Variants in LRRTM4 observed in about 807,000 individuals in gnomAD.
LRRTM4 encodes leucine-rich repeat transmembrane neuronal protein 4.
In LRRTM4, 25 loss-of-function variants were observed where a neutral mutation model predicts 47.6. That is an observed-to-expected ratio of 0.53 (90% CI 0.38 to 0.73). The LOEUF is 0.73. LRRTM4 is among the 30% of genes least tolerant of loss of function. The pLI is 0.00. For missense variants in LRRTM4, 638 were observed against 713.4 expected (o/e 0.89, Z 1.20); for synonymous variants, 311 against 269.5 (o/e 1.15, Z -1.51).
chr2:76,999,251 C>T (rs1677323575), intron 3 of LRRTM4, among the ~76,000 whole-genome samples: 1 of 152,008 alleles, frequency 6.6e-6, no homozygotes, highest in Admixed American at 6.6e-5. Context: ...GGGTATGATC[C>T]AAATCCCTCA....
In LRRTM4 at chr2:77,477,851, A is replaced by T. The variant is rs1340905350; in HGVS notation, c.1551+40467T>A. Among the ~76,000 whole-genome samples, 5 of 149,102 alleles carry T rather than the reference A, an allele frequency of 3.4e-5. No homozygotes were observed. The East Asian group carries it at 9.8e-4, about 29-fold the overall frequency. ...TGGAGCAAAACTCCATCAAAAAAAA[A>T]AAAAAGAAAGAGAGAGAGAAAGAAA... On this transcript the variant is annotated intron_variant, in intron 3 of 3. Transcript: ENST00000409884.
intron 3 of LRRTM4, among the ~76,000 whole-genome samples, chr2:77,018,519 T>A (rs1469277264): frequency 6.6e-6 from 1 of 152,170 alleles, no homozygotes; most frequent in African/African-American, 2.4e-5. Flanking sequence ...GACTCAGACT[T>A]CTACAGCATT....
chr2:77,458,793 T>A (rs1467528838), intron 3 of LRRTM4, among the ~76,000 whole-genome samples: 1 of 151,258 alleles, frequency 6.6e-6, no homozygotes, highest in African/African-American at 2.4e-5. Context: ...GATTTTAATA[T>A]TGTTAAGGTT....
intron 3 of LRRTM4, among the ~76,000 whole-genome samples, chr2:76,997,401 G>C (rs1423061445): frequency 6.7e-6 from 1 of 149,964 alleles, no homozygotes; most frequent in South Asian, 2.1e-4. Context: ...AGTTTGTTGA[G>C]ATGTTTTATT....
rs374435356 is a variant in LRRTM4, at chr2:77,360,471, C to T, written c.1551+157847G>A. ...AGACTCCATCTCAAAAAATACAATA[C>T]GATATGATACGATACGATACGATAC... is the stretch of plus-strand genomic sequence containing the variant. On this transcript the variant is annotated intron_variant, in intron 3 of 3. Transcript: ENST00000409884. Among the ~76,000 whole-genome samples the T allele has an allele frequency of 3.8e-4, 48 of 126,588 alleles. 1 individual carries two copies. In the South Asian group the frequency reaches 0.013, roughly 33 times the overall value. 83.0% of individuals were successfully genotyped at this position (126,588 alleles called of 152,430 possible). A position where few individuals can be genotyped will look rare whatever the true frequency, so the allele number is the denominator to read the frequency against.
intron 3 of LRRTM4, among the ~76,000 whole-genome samples, chr2:77,279,848 T>C (rs1268792961): frequency 1.3e-5 from 2 of 151,962 alleles, no homozygotes; most frequent in Non-Finnish European, 1.5e-5. Flanking sequence ...TTTGAACTAC[T>C]GAGCTTGTGC....
At chr2:77,124,748 A>C (rs1004986271) in intron 3 of LRRTM4, among the ~76,000 whole-genome samples, 1 of 152,168 alleles carries the variant, frequency 6.6e-6, no homozygotes, top group African/African-American at 2.4e-5. Flanking sequence ...CGTGTTTTCC[A>C]GACAATGGAG....
At chr2:77,270,132 G>A (rs1573173640) in intron 3 of LRRTM4, among the ~76,000 whole-genome samples, 1 of 152,272 alleles carries the variant, frequency 6.6e-6, no homozygotes, top group Non-Finnish European at 1.5e-5. Context: ...ATCCCTCTAC[G>A]GAGGCTTGGG....
Position 77,088,124 on chromosome 2 carries a change from A to G in LRRTM4, c.1552-339208T>C, listed in dbSNP as rs188754810. On this transcript the variant is annotated intron_variant, in intron 3 of 3. Coordinates refer to ENST00000409884, the MANE Select transcript of LRRTM4 (RefSeq NM_001134745.3). ...GGTCTTGCCTGAACAAAGAGGAGAA[A>G]AGAGAAGATAATTTATTTTGATTAC... Among the ~76,000 whole-genome samples, 523 of 152,310 alleles carry G rather than the reference A, an allele frequency of 3.4e-3. 3 individuals carry two copies. Among genetic ancestry groups the G allele is most frequent in the African/African-American group, 0.012 (499 of 41,570 alleles).
At chr2:77,130,719 G>A (rs1671772838) in intron 3 of LRRTM4, among the ~76,000 whole-genome samples, 1 of 150,652 alleles carries the variant, frequency 6.6e-6, no homozygotes, top group South Asian at 2.1e-4. Flanking sequence ...CACCGTGTTA[G>A]CCAGGATGGT....
intron 3 of LRRTM4, among the ~76,000 whole-genome samples, chr2:76,792,099 C>A (rs1432708490): frequency 6.6e-6 from 1 of 151,534 alleles, no homozygotes; most frequent in Non-Finnish European, 1.5e-5. Context: ...ATATAAATGC[C>A]CATAGTTAGA....
intron 3 of LRRTM4, among the ~76,000 whole-genome samples, chr2:77,284,346 A>AC (rs1676592427): frequency 6.6e-6 from 1 of 152,156 alleles, no homozygotes; most frequent in Non-Finnish European, 1.5e-5. Flanking sequence ...AACACATTCT[A>AC]TTAATAGAAG....
At chr2:76,967,546 C>T (rs1381658277) in intron 3 of LRRTM4, among the ~76,000 whole-genome samples, 1 of 151,440 alleles carries the variant, frequency 6.6e-6, no homozygotes, top group Non-Finnish European at 1.5e-5. Context: ...TGCTGCATAC[C>T]TCCCTGTTTT....
chr2:76,922,480 C>G (rs888560203), intron 3 of LRRTM4, among the ~76,000 whole-genome samples: 1 of 152,026 alleles, frequency 6.6e-6, no homozygotes, highest in Non-Finnish European at 1.5e-5. Flanking sequence ...CATCCCCCCA[C>G]CAGACCCTTC....
chr2:77,155,149 AC>A (rs199661577), intron 3 of LRRTM4, among the ~76,000 whole-genome samples: 1,877 of 152,254 alleles, frequency 0.012, 25 homozygotes, highest in Non-Finnish European at 0.015. Context: ...TACACAAAGT[AC>A]ATTTTGATTT....
intron 3 of LRRTM4, among the ~76,000 whole-genome samples, chr2:77,027,114 C>G (rs961021170): frequency 8.5e-5 from 13 of 152,068 alleles, no homozygotes; most frequent in African/African-American, 2.9e-4. Flanking sequence ...GCCCCTCTTT[C>G]CTTGCCTTCT....
chr2:76,985,668 T>G (rs531751675), intron 3 of LRRTM4, among the ~76,000 whole-genome samples: 87 of 152,114 alleles, frequency 5.7e-4, no homozygotes, highest in Non-Finnish European at 4.6e-4. Flanking sequence ...GTTAGAGGCT[T>G]CTGACTAATG....
chr2:76,989,496 G>T (rs765078702), intron 3 of LRRTM4, among the ~76,000 whole-genome samples: 1 of 151,802 alleles, frequency 6.6e-6, no homozygotes, highest in African/African-American at 2.4e-5. Context: ...GTACCAAAAA[G>T]GATACTTTTG....
intron 3 of LRRTM4, among the ~76,000 whole-genome samples, chr2:76,814,668 C>A (rs1420332093): frequency 6.6e-6 from 1 of 151,858 alleles, no homozygotes; most frequent in Non-Finnish European, 1.5e-5. Flanking sequence ...GTAAATACTA[C>A]CCCATTTTAT....
Sources: allele counts gnomAD v4.1 joint callset (sites outside exome capture counted in the v4.1 genomes callset), GRCh38; gene constraint gnomAD v4.1.1; transcripts MANE v1.5; gene names NCBI Gene and HGNC (gene_info 2026-07-23, HGNC 2026-07-21).